Variants in TBC1D1 observed in about 807,000 individuals in gnomAD.
The protein encoded by TBC1D1 is TBC1 (tre-2/USP6, BUB2, cdc16) domain family, member 1.
In TBC1D1, 89 loss-of-function variants were observed where a neutral mutation model predicts 125.6. That is an observed-to-expected ratio of 0.71 (90% CI 0.60 to 0.85). The LOEUF is 0.85. Among genes scored for constraint, TBC1D1 ranks in the 40% least tolerant of loss-of-function variants. The probability of loss-of-function intolerance (pLI) is 0.00; values close to 1 mark genes in which losing one functional copy is unlikely to be tolerated. For missense variants in TBC1D1, 1,377 were observed against 1,469.2 expected, an observed-to-expected ratio of 0.94 and a Z score of 1.03; for synonymous variants, 565 against 564.1, an observed-to-expected ratio of 1.00 and a Z score of -0.02.
At chr4:38,025,002 C>G (rs1744795358) in intron 6 of TBC1D1, among the ~76,000 whole-genome samples, 1 of 152,172 alleles carries the variant, frequency 6.6e-6, no homozygotes. Flanking sequence ...CAGCTCTACC[C>G]AGTTCTGTAT....
chr4:38,109,530 T>C (rs1488428356), intron 15 of TBC1D1, among the ~76,000 whole-genome samples: 1 of 152,230 alleles, frequency 6.6e-6, no homozygotes, highest in Non-Finnish European at 1.5e-5. Flanking sequence ...GTTCAGTGTT[T>C]GCAGATTTCC....
At chr4:37,983,485 A>C (rs12644937) in intron 2 of TBC1D1, among the ~76,000 whole-genome samples, 1 of 151,994 alleles carries the variant, frequency 6.6e-6, no homozygotes, top group Non-Finnish European at 1.5e-5. Context: ...CACTGTGCCC[A>C]GCTTTTTCTT....
intron 8 of TBC1D1, among the ~76,000 whole-genome samples, chr4:38,040,929 C>A (rs943293621): frequency 6.6e-6 from 1 of 152,222 alleles, no homozygotes; most frequent in East Asian, 1.9e-4. Context: ...GATCATTGCT[C>A]ATTCACTCAT....
At chr4:37,908,552 T>C (rs11939511) in intron 2 of TBC1D1, among the ~76,000 whole-genome samples, 13,002 of 152,166 alleles carry the variant, frequency 0.085, 623 homozygotes, top group East Asian at 0.21. Flanking sequence ...ACTCGAAATA[T>C]GTCATGGCTC....
chr4:38,022,528 T>C (rs900497303), intron 6 of TBC1D1, among the ~76,000 whole-genome samples: 1 of 152,328 alleles, frequency 6.6e-6, no homozygotes, highest in Admixed American at 6.5e-5. Context: ...GAGAAAGACC[T>C]GGGGATTGCA....
At chr4:38,035,824 G>A in intron 8 of TBC1D1, 126 bp downstream of exon 8, 2 of 727,174 alleles carry the variant, frequency 2.8e-6, no homozygotes, top group Non-Finnish European at 4.6e-6. Flanking sequence ...TTCCTTTGTT[G>A]CACATAGAGG....
intron 2 of TBC1D1, among the ~76,000 whole-genome samples, chr4:37,991,274 A>G (rs560164839): frequency 1.3e-5 from 2 of 152,294 alleles, no homozygotes; most frequent in Admixed American, 1.3e-4. Context: ...CTTCTCAAAA[A>G]CATCATTTTT....
intron 12 of TBC1D1, among the ~76,000 whole-genome samples, chr4:38,059,440 G>T (rs1752362340): frequency 6.6e-6 from 1 of 152,220 alleles, no homozygotes; most frequent in African/African-American, 2.4e-5. Flanking sequence ...AAATGTTTTT[G>T]TAATAAAAAT....
chr4:38,026,125 GAATAATGCACATA>G (rs1474094555), intron 6 of TBC1D1, among the ~76,000 whole-genome samples: 2 of 152,064 alleles, frequency 1.3e-5, no homozygotes, highest in Admixed American at 1.3e-4. Context: ...AGGGTGAAAT[GAATAATGCACATA>G]AAGTGTTAAG....
intron 2 of TBC1D1, chr4:37,960,702 G>C (rs373049050): frequency 6.2e-7 from 1 of 1,614,082 alleles, no homozygotes; most frequent in African/African-American, 1.3e-5. Context: ...AAGCTTTTCT[G>C]CCAAAAAGAT....
At chr4:37,981,026 T>G (rs529481467) in intron 2 of TBC1D1, among the ~76,000 whole-genome samples, 301 of 152,064 alleles carry the variant, frequency 2.0e-3, no homozygotes, top group African/African-American at 6.5e-3. Context: ...CACTGCAACC[T>G]CTGCCTCCTG....
chr4:37,954,751 C>T (rs1029786872), intron 2 of TBC1D1, among the ~76,000 whole-genome samples: 10 of 150,122 alleles, frequency 6.7e-5, no homozygotes, highest in East Asian at 3.9e-4. Flanking sequence ...TGTATGTGGG[C>T]GATGAAGAGG....
intron 2 of TBC1D1, among the ~76,000 whole-genome samples, chr4:37,968,072 C>G (rs1423738224): frequency 6.6e-6 from 1 of 152,210 alleles, no homozygotes; most frequent in Non-Finnish European, 1.5e-5. Context: ...TATTGAACAA[C>G]ATACTGAGAA....
At chr4:37,918,592 T>G (rs1382675451) in intron 2 of TBC1D1, among the ~76,000 whole-genome samples, 1 of 152,032 alleles carries the variant, frequency 6.6e-6, no homozygotes, top group Admixed American at 6.6e-5. Flanking sequence ...GGATTACAGA[T>G]GTGCGCCACC....
Position 37,977,791 on chromosome 4 carries a change from G to C in TBC1D1, c.418-36718G>C, listed in dbSNP as rs1466989052. Among the ~76,000 whole-genome samples the C allele has an allele frequency of 1.3e-5, 2 of 152,138 alleles. No homozygotes were observed. Among genetic ancestry groups the C allele is most frequent in the African/African-American group, 4.8e-5 (2 of 41,444 alleles). On this transcript the variant is annotated intron_variant, in intron 2 of 19. Transcript: ENST00000261439. This position sits in a 1 kb window ranked among gnomAD's most constrained non-coding sequence, Gnocchi z 4.3. ...GCTGTACTCGGGGACCCCTGCGGGA[G>C]CCCGAACCCAGCAGGCGGCTCCTCC...
chr4:37,920,429 T>C (rs1052515667), intron 2 of TBC1D1, among the ~76,000 whole-genome samples: 1 of 151,996 alleles, frequency 6.6e-6, no homozygotes, highest in African/African-American at 2.4e-5. Context: ...ACAGAGCCAG[T>C]GTGAGCTGGG....
intron 14 of TBC1D1, among the ~76,000 whole-genome samples, chr4:38,100,142 A>G (rs1760053450): frequency 6.6e-6 from 1 of 152,192 alleles, no homozygotes; most frequent in Non-Finnish European, 1.5e-5. Context: ...CCCAGGATAT[A>G]TCTATGAGCT....
chr4:38,017,273 G>A (rs879546267), intron 3 of TBC1D1, among the ~76,000 whole-genome samples: 1 of 152,182 alleles, frequency 6.6e-6, no homozygotes, highest in Non-Finnish European at 1.5e-5. Context: ...ATACTTATTC[G>A]TTGTTTACAA....
chr4:38,047,403 C>CA (rs540290898), intron 10 of TBC1D1, among the ~76,000 whole-genome samples: 2 of 152,254 alleles, frequency 1.3e-5, no homozygotes, highest in South Asian at 4.2e-4. Context: ...TCCTGGTCTG[C>CA]AGACCGCCTC....
Sources: allele counts gnomAD v4.1 joint callset (sites outside exome capture counted in the v4.1 genomes callset), GRCh38; gene constraint gnomAD v4.1.1; non-coding constraint Gnocchi (gnomAD v3.1); transcripts MANE v1.5; gene names NCBI Gene and HGNC (gene_info 2026-07-23, HGNC 2026-07-21).